The following USP9X variants were observed in gnomAD, a reference collection of about 807,000 sequenced individuals.
USP9X encodes ubiquitin specific peptidase 9 X-linked.
A neutral mutation model predicts 190.3 loss-of-function variants in USP9X; 7 were observed. The observed-to-expected ratio is 0.04, with a 90% CI of 0.02 to 0.07. The LOEUF is 0.07. USP9X is among the 10% of genes least tolerant of loss of function. USP9X has a pLI of 1.00. For missense variants in USP9X, 1,010 were observed against 1,916.9 expected, an observed-to-expected ratio of 0.53 and a Z score of 8.83; for synonymous variants, 645 against 659.5, an observed-to-expected ratio of 0.98 and a Z score of 0.34.
intron 1 of USP9X, among the ~76,000 whole-genome samples, chrX:41,094,337 C>G (rs189893461): frequency 1.8e-5 from 2 of 109,176 alleles, no homozygotes; most frequent in Non-Finnish European, 3.8e-5. Context: ...CCACTATACC[C>G]GGCTAATTTT....
intron 14 of USP9X, among the ~76,000 whole-genome samples, chrX:41,159,280 C>CA (rs1259397817): frequency 9.0e-6 from 1 of 111,121 alleles, no homozygotes; most frequent in African/African-American, 3.3e-5. Flanking sequence ...ACTAGGGTGA[C>CA]AAAAAAGACA....
Position 41,232,658 on chromosome X carries a change from G to A in USP9X, c.*134G>A. Reference sequence around the variant, plus strand: ...ACATGGAGTGGAGAGTTTATTCACTGTCTTATCTGCAGAAATTTGCTGTCA... The same window carrying A: ...ACATGGAGTGGAGAGTTTATTCACTATCTTATCTGCAGAAATTTGCTGTCA... On this transcript the variant is annotated 3_prime_UTR_variant, in exon 45 of 45. Coordinates refer to ENST00000378308, the MANE Select transcript of USP9X (RefSeq NM_001039591.3). 2 of 877,759 alleles carry A rather than the reference G, an allele frequency of 2.3e-6. No individual in the cohort carries two copies. The highest frequency in any genetic ancestry group is 3.1e-6 in the Non-Finnish European group (2 of 646,210). The allele number at this position is 877,759 out of a possible 1,213,427, so 72.3% of individuals were successfully genotyped here.
intron 20 of USP9X, 126 bp from the exon 21 acceptor site, chrX:41,171,706 GTCAGAC>G: frequency 1.3e-6 from 1 of 790,548 alleles, no homozygotes; most frequent in Non-Finnish European, 1.9e-6. Flanking sequence ...AGATGGGAAA[GTCAGAC>G]TATTTCAAAG....
At chrX:41,217,926 T>C (rs1021625136) in intron 36 of USP9X, among the ~76,000 whole-genome samples, 3 of 111,812 alleles carry the variant, frequency 2.7e-5, no homozygotes, top group African/African-American at 6.5e-5. Flanking sequence ...GACTGAAAAG[T>C]GTAAGCTACT....
chrX:41,109,095 A>G (rs948029257), intron 1 of USP9X, among the ~76,000 whole-genome samples: 3 of 111,984 alleles, frequency 2.7e-5, no homozygotes, highest in African/African-American at 9.8e-5. Context: ...AGCTGGCTCA[A>G]ATGCCACAGA....
In USP9X at chrX:41,189,426, A is replaced by G; in HGVS notation, c.3928A>G (p.Lys1310Glu). ...PTALDALSKE[K>E]AWQTFIIDLL... ...AGCCTTAGATGCTCTTAGTAAAGAA[A>G]AGGCTTGGCAGACATTCATCATTGA... The change falls in exon 26 of 45, where the codon AAG becomes GAG. Residue 1310 changes from lysine (K) to glutamate (E), a missense_variant. Physicochemically the swap from Lys to Glu is moderately conservative, Grantham distance 56. Transcript: ENST00000378308. 8.3e-7 allele frequency: 1 copy of G among 1,211,116 alleles called. No homozygotes were observed. Among genetic ancestry groups the G allele is most frequent in the Non-Finnish European group, 1.1e-6 (1 of 894,952 alleles).
chrX:41,100,152 AAATT>A (rs1569147594), intron 1 of USP9X, among the ~76,000 whole-genome samples: 1 of 111,967 alleles, frequency 8.9e-6, no homozygotes. Context: ...GCTCTATTGT[AAATT>A]ATAAGTTCAA....
chrX:41,183,992 C>T lies in USP9X; in HGVS notation c.3149-6C>T, dbSNP rs2062850922. ...CATTTTCACACTGTCTCTTTTTTTC[C>T]TCCAGATAGCACAACGATAGAAAAA... On this transcript the variant is annotated splice_region_variant and splice_polypyrimidine_tract_variant and intron_variant, in intron 21 of 44. Coordinates refer to ENST00000378308, the MANE Select transcript of USP9X (RefSeq NM_001039591.3). The T allele has an allele frequency of 4.2e-6, 5 of 1,187,497 alleles. No homozygotes were observed. The highest frequency in any genetic ancestry group is 2.3e-6 in the Non-Finnish European group (2 of 887,088).
At chrX:41,217,815 G>A (rs147995312) in intron 36 of USP9X, among the ~76,000 whole-genome samples, 476 of 111,622 alleles carry the variant, frequency 4.3e-3, no homozygotes, top group Non-Finnish European at 6.8e-3. Flanking sequence ...GCTGGAGCCT[G>A]GGAGGTTGAA....
At position 41,101,664 on chromosome X, in the gene USP9X, G is replaced by A. The variant is rs775458581; in HGVS notation, c.-159+15555G>A. Among the ~76,000 whole-genome samples the A allele has an allele frequency of 3.7e-3, 404 of 109,567 alleles. 2 individuals are homozygous for A. Among genetic ancestry groups the A allele is most frequent in the Non-Finnish European group, 4.1e-3 (215 of 52,281 alleles). On this transcript the variant is annotated intron_variant, in intron 1 of 44. Coordinates refer to ENST00000378308, the MANE Select transcript of USP9X (RefSeq NM_001039591.3). ...AGCCTGGGCGACTGAGCAAGACTCC[G>A]TCTCAAAAAAAATAAATTAAAAAAA...
intron 26 of USP9X, among the ~76,000 whole-genome samples, chrX:41,192,660 T>C (rs750495621): frequency 9.0e-6 from 1 of 111,496 alleles, no homozygotes; most frequent in Non-Finnish European, 1.9e-5. Flanking sequence ...GTCTAAGCAG[T>C]GTTTGATGTT....
intron 26 of USP9X, among the ~76,000 whole-genome samples, chrX:41,191,479 TC>T (rs2062935203): frequency 9.0e-6 from 1 of 111,717 alleles, no homozygotes; most frequent in Non-Finnish European, 1.9e-5. Flanking sequence ...ACAAGGTACT[TC>T]TCACTTAATC....
Position 41,170,076 on chromosome X carries a change from T to C in USP9X, c.2718T>C (p.Ser906=), listed in dbSNP as rs765783842. ...AGGTTGATGACTTGGAGGTATGGTC[T>C]CATACAAATGATACAATTGGTTCAG... ...GRQVDDLEVW[S]HTNDTIGSVR... The change falls in exon 19 of 45, where the codon TCT becomes TCC. Residue 906 remains serine, a synonymous_variant. Transcript: ENST00000378308. 3.3e-6 allele frequency: 4 copies of C among 1,211,688 alleles called. No individual in the cohort carries two copies. The South Asian group carries it at 7.0e-5, about 21-fold the overall frequency.
intron 38 of USP9X, among the ~76,000 whole-genome samples, chrX:41,220,063 T>C (rs111837268): frequency 0.034 from 3,826 of 112,139 alleles, 151 homozygotes; most frequent in African/African-American, 0.12. Flanking sequence ...TCAGGTTTTT[T>C]TTCTGTGATC....
At chrX:41,142,695 T>G (rs985526753) in intron 9 of USP9X, among the ~76,000 whole-genome samples, 57 of 111,733 alleles carry the variant, frequency 5.1e-4, no homozygotes, top group Admixed American at 3.4e-3. Context: ...TGCTATAGAT[T>G]AAATGAATGC....
Position 41,232,628 on chromosome X carries a change from A to T in USP9X, c.*104A>T. The T allele has an allele frequency of 9.6e-7, 1 of 1,037,356 alleles. No homozygotes were observed. The highest frequency in any genetic ancestry group is 1.3e-6 in the Non-Finnish European group (1 of 775,493). 85.5% of individuals were successfully genotyped at this position (1,037,356 alleles called of 1,213,427 possible). On this transcript the variant is annotated 3_prime_UTR_variant, in exon 45 of 45. Coordinates refer to ENST00000378308, the MANE Select transcript of USP9X (RefSeq NM_001039591.3). ...ATTTAAAACTAGAAAAACTATTCCT[A>T]ATCAACATGGAGTGGAGAGTTTATT...
At chrX:41,179,323 C>A (rs2062806529) in intron 21 of USP9X, among the ~76,000 whole-genome samples, 1 of 111,917 alleles carries the variant, frequency 8.9e-6, no homozygotes, top group Non-Finnish European at 1.9e-5. Context: ...ATAGAGATTG[C>A]ATCAATCTGT....
chrX:41,106,618 C>T (rs1363373625), intron 1 of USP9X, among the ~76,000 whole-genome samples: 1 of 102,383 alleles, frequency 9.8e-6, no homozygotes, highest in African/African-American at 3.6e-5. Context: ...GCAACCTCCA[C>T]CTCCTGGGTT....
intron 38 of USP9X, among the ~76,000 whole-genome samples, chrX:41,221,188 G>A (rs1222181126): frequency 9.0e-6 from 1 of 110,578 alleles, no homozygotes; most frequent in African/African-American, 3.3e-5. Context: ...CTTGAACCCA[G>A]AAGGCGGAGG....
Sources: allele counts gnomAD v4.1 joint callset (sites outside exome capture counted in the v4.1 genomes callset), GRCh38; gene constraint gnomAD v4.1.1; transcripts MANE v1.5; gene names NCBI Gene and HGNC (gene_info 2026-07-23, HGNC 2026-07-21).